The following ME3 variants were observed in gnomAD, a reference collection of about 807,000 sequenced individuals.
ME3 encodes malic enzyme 3.
ME3 carries 48 observed loss-of-function variants against 68.9 expected under a neutral mutation model. The ratio of observed to expected loss-of-function variants is 0.70; its 90% CI spans 0.55 to 0.89. The LOEUF (loss-of-function observed/expected upper bound fraction) is 0.89. Ranked by LOEUF, ME3 falls within the 40% of genes least tolerant of loss-of-function variation. ME3 has a pLI of 0.00. For synonymous variants in ME3, 320 were observed against 318.8 expected (o/e 1.00, Z -0.04); for missense variants, 675 against 797.4 (o/e 0.85, Z 1.85).
intron 2 of ME3, among the ~76,000 whole-genome samples, chr11:86,585,919 A>C (rs1422556027): frequency 1.3e-5 from 2 of 152,142 alleles, no homozygotes; most frequent in African/African-American, 4.8e-5. Context: ...TTCAGGAAGG[A>C]AGGCGTGACC....
chr11:86,469,662 C>A (rs1202752142), intron 7 of ME3, among the ~76,000 whole-genome samples: 1 of 152,182 alleles, frequency 6.6e-6, no homozygotes, highest in African/African-American at 2.4e-5. Flanking sequence ...TGAGGAACAT[C>A]TGATGCTTCT....
chr11:86,471,433 T>C (rs983159646), intron 7 of ME3, among the ~76,000 whole-genome samples: 1 of 151,962 alleles, frequency 6.6e-6, no homozygotes, highest in Non-Finnish European at 1.5e-5. Context: ...GATCTTAAAC[T>C]GTAACCTCTT....
At chr11:86,476,768 A>G (rs2138840840) in intron 7 of ME3, among the ~76,000 whole-genome samples, 1 of 152,260 alleles carries the variant, frequency 6.6e-6, no homozygotes, top group Non-Finnish European at 1.5e-5. Flanking sequence ...AGCATTTACT[A>G]ATTGCACATA....
At chr11:86,645,125 G>A (rs1256335426) in intron 2 of ME3, among the ~76,000 whole-genome samples, 2 of 152,182 alleles carry the variant, frequency 1.3e-5, no homozygotes, top group African/African-American at 4.8e-5. Context: ...CAAGCACAAA[G>A]CCAGGCAGCC....
At chr11:86,585,062 C>T (rs1042080701) in intron 2 of ME3, among the ~76,000 whole-genome samples, 2 of 152,096 alleles carry the variant, frequency 1.3e-5, no homozygotes, top group Non-Finnish European at 2.9e-5. Flanking sequence ...TGGTGTTGAG[C>T]AGCTTTCTAG....
At chr11:86,529,133 G>C (rs551264554) in intron 4 of ME3, among the ~76,000 whole-genome samples, 18 of 152,196 alleles carry the variant, frequency 1.2e-4, no homozygotes, top group African/African-American at 4.3e-4. Context: ...GAAGAAAAGA[G>C]AGAAGAATCA....
At chr11:86,617,518 G>A (rs1943057669) in intron 2 of ME3, among the ~76,000 whole-genome samples, 1 of 152,140 alleles carries the variant, frequency 6.6e-6, no homozygotes, top group African/African-American at 2.4e-5. Flanking sequence ...TAGGTGTACT[G>A]AGAAGATTCA....
rs1408500345 is a variant in ME3, at chr11:86,603,839, A to AAAAACCAAGGACAAAAAC, written c.184-44017_184-44016insGTTTTTGTCCTTGGTTTT. 2.0e-5 allele frequency among the ~76,000 whole-genome samples: 3 copies of AAAAACCAAGGACAAAAAC among 151,180 alleles called. No individual in the cohort carries two copies. The East Asian group carries it at 5.9e-4, about 30-fold the overall frequency. ...AAATCATCATTCTCAGTAAACTATCACAAGGACAAAAAACCAAGCACCGCA... is the reference window on the plus strand; with the variant it reads ...AAATCATCATTCTCAGTAAACTATCAAAAACCAAGGACAAAAACCAAGGACAAAAAACCAAGCACCGCA... On this transcript the variant is annotated intron_variant, in intron 2 of 14. Coordinates refer to ENST00000543262, the Ensembl canonical transcript of ME3.
intron 7 of ME3, among the ~76,000 whole-genome samples, chr11:86,477,905 CTGT>C (rs1951173651): frequency 1.3e-5 from 2 of 152,198 alleles, no homozygotes; most frequent in East Asian, 1.9e-4. Context: ...CAAAATCTGG[CTGT>C]TGTTCTTCTG....
At chr11:86,526,130 G>A (rs557334075) in intron 4 of ME3, among the ~76,000 whole-genome samples, 1 of 152,326 alleles carries the variant, frequency 6.6e-6, no homozygotes, top group African/African-American at 2.4e-5. Flanking sequence ...CAAAGAAAGG[G>A]GTGACAGACG....
chr11:86,595,162 A>C lies in ME3; in HGVS notation c.184-35339T>G, dbSNP rs1185089486. 1.4e-5 allele frequency among the ~76,000 whole-genome samples: 2 copies of C among 145,704 alleles called. 1 individual carries two copies. Among genetic ancestry groups the C allele is most frequent in the African/African-American group, 5.1e-5 (2 of 39,486 alleles). On this transcript the variant is annotated intron_variant, in intron 2 of 14. Transcript: ENST00000543262. ...AAAGGGGATAAGCATATGTATGGAA[A>C]TATAAAAATAAGTAAATAAAATATA...
At chr11:86,549,453 T>C (rs1333516586) in intron 4 of ME3, among the ~76,000 whole-genome samples, 1 of 152,260 alleles carries the variant, frequency 6.6e-6, no homozygotes, top group African/African-American at 2.4e-5. Flanking sequence ...TAAACCATGG[T>C]ATCCTTTTTG....
At chr11:86,564,251 C>T (rs1460922939) in intron 2 of ME3, among the ~76,000 whole-genome samples, 8 of 151,766 alleles carry the variant, frequency 5.3e-5, no homozygotes, top group Non-Finnish European at 7.4e-5. Context: ...AAATATTTTT[C>T]CCATTTAAGG....
intron 2 of ME3, among the ~76,000 whole-genome samples, chr11:86,654,499 A>G (rs11234726): frequency 0.35 from 52,630 of 152,172 alleles, 10,921 homozygotes; most frequent in Non-Finnish European, 0.46. Flanking sequence ...CAAAAACCAC[A>G]TGATTATCTC....
At chr11:86,564,462 G>GA (rs35429348) in intron 2 of ME3, among the ~76,000 whole-genome samples, 34,996 of 106,412 alleles carry the variant, frequency 0.33, 4,534 homozygotes, top group Middle Eastern at 0.4. Flanking sequence ...AAAGCTACAG[G>GA]AAAAAAAAAA....
At chr11:86,524,850 A>G (rs1056964516) in intron 4 of ME3, among the ~76,000 whole-genome samples, 2 of 152,236 alleles carry the variant, frequency 1.3e-5, no homozygotes, top group African/African-American at 4.8e-5. Flanking sequence ...ATCAGATGCA[A>G]TTAAGCAGGG....
chr11:86,543,590 A>G (rs977593609), intron 4 of ME3, among the ~76,000 whole-genome samples: 10 of 152,230 alleles, frequency 6.6e-5, no homozygotes, highest in South Asian at 2.1e-4. Context: ...GAATTGAGGC[A>G]ACAAGAAGAG....
intron 2 of ME3, among the ~76,000 whole-genome samples, chr11:86,583,898 G>A (rs978416094): frequency 6.6e-6 from 1 of 152,114 alleles, no homozygotes; most frequent in Admixed American, 6.6e-5. Context: ...TTATGACATT[G>A]GACTTGGCAA....
chr11:86,629,835 A>G (rs757465104), intron 2 of ME3, among the ~76,000 whole-genome samples: 2 of 152,182 alleles, frequency 1.3e-5, no homozygotes, highest in Non-Finnish European at 2.9e-5. Flanking sequence ...GCACCTCACT[A>G]GCAGCTTAGA....
Sources: gnomAD v4.1 joint callset for allele counts (sites outside exome capture counted in the v4.1 genomes callset) on GRCh38, gnomAD v4.1.1 for gene constraint, MANE v1.5 for transcripts, NCBI Gene and HGNC (gene_info 2026-07-23, HGNC 2026-07-21) for gene names.